The following SGSH variants were observed in gnomAD, a reference collection of about 807,000 sequenced individuals.
SGSH encodes N-sulfoglucosamine sulfohydrolase, also known as heparan sulfate sulfatase.
Under a neutral mutation model 51.0 loss-of-function variants are expected in SGSH, and 48 were observed. The ratio of observed to expected loss-of-function variants is 0.94; its 90% CI spans 0.75 to 1.20. SGSH has a LOEUF of 1.20. Ranked by LOEUF, SGSH falls within the 50% of genes most tolerant of loss-of-function variation. SGSH has a pLI of 0.00. For synonymous variants in SGSH, 321 were observed against 313.4 expected, an observed-to-expected ratio of 1.02 and a Z score of -0.26; for missense variants, 662 against 717.8, an observed-to-expected ratio of 0.92 and a Z score of 0.89.
Position 80,211,053 on chromosome 17 carries a change from A to G in SGSH, c.950-42T>C, listed in dbSNP as rs771588725. 3.8e-6 allele frequency: 6 copies of G among 1,597,116 alleles called. No individual in the cohort carries two copies. In the South Asian group the frequency reaches 4.4e-5, roughly 12 times the overall value. On this transcript the variant is annotated intron_variant, in intron 7 of 7. Coordinates refer to ENST00000326317, the MANE Select transcript of SGSH (RefSeq NM_000199.5). ...ATCTCAGAGCAGCAGAGCCCTCAGC[A>G]CACAGGAGCTGCCCTCGGAAGGGCC...
Position 80,210,266 on chromosome 17 carries a change from G to T in SGSH, c.*186C>A. The T allele has an allele frequency of 7.0e-7, 1 of 1,430,664 alleles. No homozygotes were observed. Among genetic ancestry groups the T allele is most frequent in the Admixed American group, 2.8e-5 (1 of 35,156 alleles). 88.6% of individuals were successfully genotyped at this position (1,430,664 alleles called of 1,614,324 possible). A position where few individuals can be genotyped will look rare whatever the true frequency, so the allele number is the denominator to read the frequency against. On this transcript the variant is annotated 3_prime_UTR_variant, in exon 8 of 8. Coordinates refer to ENST00000326317, the MANE Select transcript of SGSH (RefSeq NM_000199.5). ...GTGGAGGGGCTGGGCACATGCTCTG[G>T]TCACATGCTCTGGTCCCCCTCCAGG...
Position 80,212,079 on chromosome 17 carries a change from C to T in SGSH, c.941G>A (p.Ser314Asn), listed in dbSNP as rs1466198884. Reference protein sequence around the residue: ...RWGQVSEAYVSLLDLTPTILD... With the variant: ...RWGQVSEAYVNLLDLTPTILD... ...GACAGACAAAGGCATACCTAGGAGG[C>T]TCACGTAGGCCTCGCTGACTTGGCC... The change falls in exon 7 of 8, where the codon AGC (serine) becomes AAC (asparagine). Residue 314 changes from serine (S) to asparagine (N), a missense_variant. Coordinates refer to ENST00000326317, the MANE Select transcript of SGSH (RefSeq NM_000199.5). The surrounding 1 kb of genome is among the most constrained non-coding windows in gnomAD (Gnocchi z 5.9). The T allele has an allele frequency of 1.2e-6, 2 of 1,613,470 alleles. No individual in the cohort carries two copies. The highest frequency in any genetic ancestry group is 1.7e-6 in the Non-Finnish European group (2 of 1,179,958).
At chr17:80,205,458 G>A (rs113958481), downstream of SGSH, 1,431 of 1,543,582 alleles carry the variant, frequency 9.3e-4, 16 homozygotes, top group African/African-American at 0.017. Context: ...CGGGGACAGG[G>A]GTGTTTACCA....
downstream of SGSH, chr17:80,209,148 G>T: frequency 4.3e-6 from 1 of 232,810 alleles, no homozygotes; most frequent in Non-Finnish European, 7.1e-6. Context: ...GGCTCGGGGA[G>T]GACCCAGGTC....
At chr17:80,208,378 T>C, downstream of SGSH, 3 of 1,526,738 alleles carry the variant, frequency 2.0e-6, no homozygotes, top group South Asian at 1.2e-5. Flanking sequence ...CTGTGGGGGC[T>C]TCTGTGTGCC....
At chr17:80,202,394 G>A (rs35692270), downstream of SGSH, 2,560 of 1,612,880 alleles carry the variant, frequency 1.6e-3, 33 homozygotes, top group African/African-American at 0.029. Flanking sequence ...ATACTGCCGC[G>A]CACGGCACCA....
At chr17:80,201,412 T>C in the SGSH span, 1 of 297,404 alleles carries the variant, frequency 3.4e-6, no homozygotes, top group South Asian at 3.1e-5. The surrounding 1 kb of genome is among the most constrained non-coding windows in gnomAD (Gnocchi z 5.0). Context: ...CTATCTAGAA[T>C]GCTCTTGAAT....
At position 80,209,977 on chromosome 17, in the gene SGSH, C is replaced by A; in HGVS notation, c.*475G>T. ...TGCTCCCAGGTGAGTGTCGGTGGGA[C>A]CTGCGTACTGCCCACGCGGCACCGA... is the stretch of plus-strand genomic sequence containing the variant. On this transcript the variant is annotated 3_prime_UTR_variant, in exon 8 of 8. Transcript: ENST00000326317. 3.9e-6 allele frequency: 4 copies of A among 1,020,910 alleles called. No homozygotes were observed. The South Asian group carries it at 1.6e-4, about 40-fold the overall frequency. 63.2% of individuals were successfully genotyped at this position (1,020,910 alleles called of 1,614,324 possible).
At chr17:80,202,082 G>A, downstream of SGSH, 2 of 1,277,894 alleles carry the variant, frequency 1.6e-6, no homozygotes, top group Non-Finnish European at 1.1e-6. Context: ...TCTGAGACTG[G>A]GAGGGTCCTT....
At chr17:80,215,835 C>T (rs2041870751) in intron 2 of SGSH, among the ~76,000 whole-genome samples, 1 of 152,074 alleles carries the variant, frequency 6.6e-6, no homozygotes, top group African/African-American at 2.4e-5. Context: ...TCCTTAAACA[C>T]CCATGTTCAT....
rs1005670525 is a variant in SGSH at position 80,217,008 on chromosome 17, C to T, written c.249+24G>A. 6.5e-6 allele frequency: 10 copies of T among 1,532,300 alleles called. No individual in the cohort carries two copies. Among genetic ancestry groups the T allele is most frequent in the South Asian group, 1.2e-5 (1 of 84,086 alleles). 94.9% of individuals were successfully genotyped at this position (1,532,300 alleles called of 1,614,324 possible). A position where few individuals can be genotyped will look rare whatever the true frequency, so the allele number is the denominator to read the frequency against. ...AGCCTGTCTACTCCCTGCCCACCCC[C>T]TCCTCCCGCCCCTTGCACCTCACCT... On this transcript the variant is annotated intron_variant, in intron 2 of 7. Transcript: ENST00000326317.
chr17:80,205,891 G>GT (rs2041273111), downstream of SGSH: 1 of 436,148 alleles, frequency 2.3e-6, no homozygotes, highest in African/African-American at 2.0e-5. Flanking sequence ...CTTGGGGGAT[G>GT]TTTAATAGAT....
chr17:80,220,166 C>A, intron 1 of SGSH, 60 bp downstream of exon 1: 2 of 1,285,638 alleles, frequency 1.6e-6, no homozygotes, highest in African/African-American at 1.5e-5. Flanking sequence ...GGGGAGGAGG[C>A]CAGTGGCCAC....
Position 80,211,001 on chromosome 17 carries a change from G to A in SGSH, c.960C>T (p.Pro320=), listed in dbSNP as rs2041633941. The part of the protein sequence containing the change: ...EAYVSLLDLT[P]TILDWFSIPY... ...GGATCGAGAACCAATCCAAGATGGT[G>A]GGCGTGAGGTCTGGAAGGGACGCGG... The change falls in exon 8 of 8, where the codon CCC becomes CCT. Residue 320 remains proline (P), a synonymous_variant. Transcript: ENST00000326317. 1.9e-6 allele frequency: 3 copies of A among 1,598,564 alleles called. No individual in the cohort carries two copies. The highest frequency in any genetic ancestry group is 2.2e-5 in the East Asian group (1 of 44,872).
downstream of SGSH, chr17:80,205,878 C>T (rs1220811521): frequency 2.1e-6 from 1 of 467,102 alleles, no homozygotes; most frequent in African/African-American, 2.0e-5. Flanking sequence ...TCAGTTTCCT[C>T]AGCTTGGGGG....
Position 80,215,110 on chromosome 17 carries a change from T to C in SGSH, c.278A>G (p.Gln93Arg), listed in dbSNP as rs2041839563. 1 of 1,612,084 alleles carries C rather than the reference T, an allele frequency of 6.2e-7. No homozygotes were observed. Among genetic ancestry groups the C allele is most frequent in the Non-Finnish European group, 8.5e-7 (1 of 1,179,846 alleles). ...GAAGGAGTTGAAGTGGTGCACGTCC[T>C]GGTGCAGCCCGTACATCCCATTCTG... ...QHQNGMYGLH[Q>R]DVHHFNSFDK... The change falls in exon 3 of 8, where the codon CAG becomes CGG. Residue 93 changes from glutamine to arginine, a missense_variant. Gln to Arg is a conservative substitution (Grantham distance 43, BLOSUM62 1). Transcript: ENST00000326317.
chr17:80,210,827 G>A lies in SGSH; in HGVS notation c.1134C>T (p.Ser378=), dbSNP rs771257931. 4.3e-5 allele frequency: 69 copies of A among 1,614,030 alleles called. No homozygotes were observed. The highest frequency in any genetic ancestry group is 3.3e-4 in the Middle Eastern group (2 of 6,062). The change falls in exon 8 of 8, where the codon TCC becomes TCT. Residue 378 remains serine, a synonymous_variant. Transcript: ENST00000326317. ...HEVTMSYPMR[S]VQHRHFRLVH... is the part of the protein sequence containing the mutation. ...CGAGGCGGAAGTGCCGGTGCTGCAC[G>A]GAGCGCATGGGGTAGGACATGGTGA...
downstream of SGSH, chr17:80,204,454 G>T: frequency 1.9e-6 from 2 of 1,028,520 alleles, no homozygotes; most frequent in Non-Finnish European, 2.8e-6. Context: ...TTTAGGCCAG[G>T]ATCTGGTCTT....
chr17:80,213,350 C>A lies in SGSH; in HGVS notation c.745+454G>T. The A allele has an allele frequency of 6.1e-6, 1 of 164,740 alleles. No homozygotes were observed. Among genetic ancestry groups the A allele is most frequent in the South Asian group, 1.7e-4 (1 of 5,968 alleles). The allele number at this position is 164,740 out of a possible 1,614,324, so 10.2% of individuals were successfully genotyped here. Reference sequence around the variant, plus strand: ...GAAGTTGGAAGAGGAAAGGCAGGGTCTCCCCTAGGCCTTCAGGGGAGCATG... The same window carrying A: ...GAAGTTGGAAGAGGAAAGGCAGGGTATCCCCTAGGCCTTCAGGGGAGCATG... On this transcript the variant is annotated intron_variant, in intron 6 of 7. Coordinates refer to ENST00000326317, the MANE Select transcript of SGSH (RefSeq NM_000199.5). The surrounding 1 kb of genome is among the most constrained non-coding windows in gnomAD (Gnocchi z 4.6).
Sources: allele counts gnomAD v4.1 joint callset (sites outside exome capture counted in the v4.1 genomes callset), GRCh38; gene constraint gnomAD v4.1.1; non-coding constraint Gnocchi (gnomAD v3.1); transcripts MANE v1.5; gene names NCBI Gene and HGNC (gene_info 2026-07-23, HGNC 2026-07-21).